Variants in KCNIP4 observed in about 807,000 individuals in gnomAD.
KCNIP4 encodes potassium voltage-gated channel interacting protein 4, also known as Kv channel-interacting protein 4.
KCNIP4 carries 12 observed loss-of-function variants against 34.0 expected under a neutral mutation model. That is an observed-to-expected ratio of 0.35 (90% CI 0.23 to 0.57). KCNIP4 has a LOEUF of 0.57. Ranked by LOEUF, KCNIP4 falls within the 20% of genes least tolerant of loss-of-function variation. The probability of loss-of-function intolerance (pLI) is 0.83; values close to 1 mark genes in which losing one functional copy is unlikely to be tolerated. For synonymous variants in KCNIP4, 124 were observed against 102.2 expected, an observed-to-expected ratio of 1.21 and a Z score of -1.29; for missense variants, 238 against 311.7, an observed-to-expected ratio of 0.76 and a Z score of 1.78.
chr4:20,763,176 C>T (rs750839303), intron 3 of KCNIP4, among the ~76,000 whole-genome samples: 4 of 152,156 alleles, frequency 2.6e-5, no homozygotes, highest in Non-Finnish European at 5.9e-5. Flanking sequence ...GTTGAACATA[C>T]CTAACCTGAA....
At chr4:21,077,497 T>C (rs148131444) in intron 1 of KCNIP4, among the ~76,000 whole-genome samples, 113 of 152,188 alleles carry the variant, frequency 7.4e-4, no homozygotes, top group East Asian at 7.0e-3. Context: ...CTCTACCTGC[T>C]AGTATTTAGA....
At chr4:20,925,559 G>GC (rs1729819551) in intron 1 of KCNIP4, among the ~76,000 whole-genome samples, 1 of 152,142 alleles carries the variant, frequency 6.6e-6, no homozygotes, top group Non-Finnish European at 1.5e-5. Flanking sequence ...GAAACCGGCA[G>GC]CCCTCAGGGG....
chr4:21,022,309 G>A (rs1028832536), intron 1 of KCNIP4, among the ~76,000 whole-genome samples: 1 of 152,216 alleles, frequency 6.6e-6, no homozygotes, highest in African/African-American at 2.4e-5. Context: ...TGTGCACACA[G>A]ATGATGTACA....
intron 1 of KCNIP4, among the ~76,000 whole-genome samples, chr4:21,109,118 G>A (rs1332505579): frequency 6.6e-6 from 1 of 150,920 alleles, no homozygotes; most frequent in Admixed American, 6.6e-5. Flanking sequence ...GAGAACCACT[G>A]CTCTCTTCAA....
intron 1 of KCNIP4, among the ~76,000 whole-genome samples, chr4:21,481,465 G>A (rs535574185): frequency 6.6e-6 from 1 of 152,300 alleles, no homozygotes; most frequent in African/African-American, 2.4e-5. Context: ...CTCTGGGTCA[G>A]AGAATTCTGA....
At chr4:21,436,643 T>C (rs1219275047) in intron 1 of KCNIP4, among the ~76,000 whole-genome samples, 1 of 152,190 alleles carries the variant, frequency 6.6e-6, no homozygotes, top group African/African-American at 2.4e-5. Flanking sequence ...CTGTGTAACT[T>C]TGAGCAAGTT....
intron 1 of KCNIP4, among the ~76,000 whole-genome samples, chr4:21,336,521 T>A (rs1716195660): frequency 6.6e-6 from 1 of 152,174 alleles, no homozygotes; most frequent in Non-Finnish European, 1.5e-5. Flanking sequence ...CTCAGTACTG[T>A]TAGACATTTT....
At chr4:21,225,139 T>A (rs28662965) in intron 1 of KCNIP4, among the ~76,000 whole-genome samples, 77,367 of 151,910 alleles carry the variant, frequency 0.51, 22,429 homozygotes, top group African/African-American at 0.81. Context: ...CAACAGGTTT[T>A]TTGGGGCATA....
chr4:20,990,435 C>G (rs7683945), intron 1 of KCNIP4, among the ~76,000 whole-genome samples: 65,270 of 151,986 alleles, frequency 0.43, 14,629 homozygotes, highest in African/African-American at 0.54. Context: ...CCACAGCCTT[C>G]TGTTTTGAAT....
chr4:21,399,661 T>G (rs1723307105), intron 1 of KCNIP4, among the ~76,000 whole-genome samples: 1 of 776 alleles, frequency 1.3e-3, no homozygotes. Flanking sequence ...GTGAATAACT[T>G]TTTTTTTTTT....
intron 1 of KCNIP4, among the ~76,000 whole-genome samples, chr4:21,859,411 A>T (rs555823281): frequency 2.2e-4 from 33 of 151,670 alleles, no homozygotes; most frequent in African/African-American, 7.7e-4. Flanking sequence ...GATCGAGACC[A>T]TCCTGGCTAA....
At chr4:21,295,148 G>C (rs1344342999) in intron 1 of KCNIP4, among the ~76,000 whole-genome samples, 2 of 152,108 alleles carry the variant, frequency 1.3e-5, no homozygotes, top group East Asian at 3.9e-4. Context: ...GACTAGACCT[G>C]CTCACCCCAT....
intron 1 of KCNIP4, among the ~76,000 whole-genome samples, chr4:21,408,578 G>C (rs1724209907): frequency 2.6e-5 from 4 of 152,140 alleles, no homozygotes; most frequent in Non-Finnish European, 5.9e-5. Context: ...CAAAGTAATT[G>C]TTTTCAGTGC....
chr4:21,084,442 G>A (rs73802458), intron 1 of KCNIP4, among the ~76,000 whole-genome samples: 3,332 of 149,616 alleles, frequency 0.022, 193 homozygotes, highest in African/African-American at 0.079. Flanking sequence ...CATTACGTGG[G>A]CTATGATTCC....
chr4:21,505,463 C>T (rs1040733039), intron 1 of KCNIP4, among the ~76,000 whole-genome samples: 1 of 152,184 alleles, frequency 6.6e-6, no homozygotes, highest in African/African-American at 2.4e-5. Flanking sequence ...TAGTTTTCTG[C>T]AGGTGCCATG....
At chr4:21,598,795 C>T (rs1742861588) in intron 1 of KCNIP4, among the ~76,000 whole-genome samples, 1 of 152,084 alleles carries the variant, frequency 6.6e-6, no homozygotes. Context: ...AGTGGGGTCT[C>T]CCAACTCATC....
At chr4:21,880,822 G>A (rs554325130) in intron 1 of KCNIP4, among the ~76,000 whole-genome samples, 7 of 152,240 alleles carry the variant, frequency 4.6e-5, no homozygotes, top group Middle Eastern at 3.4e-3. Flanking sequence ...AATCTGGTAC[G>A]CTTCCAGGAA....
chr4:21,377,857 T>C (rs1200163891), intron 1 of KCNIP4, among the ~76,000 whole-genome samples: 4 of 152,216 alleles, frequency 2.6e-5, no homozygotes, highest in Non-Finnish European at 4.4e-5. Flanking sequence ...TTCTCAACTC[T>C]AGTAGCTCAT....
chr4:21,206,812 C>G (rs551037451), intron 1 of KCNIP4, among the ~76,000 whole-genome samples: 1 of 152,274 alleles, frequency 6.6e-6, no homozygotes, highest in South Asian at 2.1e-4. Flanking sequence ...GCAATATTCC[C>G]AAGGTCATAA....
Sources: gnomAD v4.1 joint callset for allele counts (sites outside exome capture counted in the v4.1 genomes callset) on GRCh38, gnomAD v4.1.1 for gene constraint, MANE v1.5 for transcripts, NCBI Gene and HGNC (gene_info 2026-07-23, HGNC 2026-07-21) for gene names.